NXPE1: variants seen among roughly 807,000 people sequenced by gnomAD.
NXPE1 encodes neurexophilin and PC-esterase domain family member 1.
Under a neutral mutation model 33.3 loss-of-function variants are expected in NXPE1, and 31 were observed. The observed-to-expected ratio is 0.93, with a 90% CI of 0.70 to 1.26. NXPE1 has a LOEUF of 1.26. Ranked by LOEUF, NXPE1 falls within the 50% of genes most tolerant of loss-of-function variation. NXPE1 has a pLI of 0.00. For synonymous variants in NXPE1, 229 were observed against 231.4 expected (o/e 0.99, Z 0.09); for missense variants, 661 against 655.6 (o/e 1.01, Z -0.09).
chr11:114,538,081 A>G (rs1439772160), intron 5 of NXPE1, among the ~76,000 whole-genome samples: 1 of 152,200 alleles, frequency 6.6e-6, no homozygotes, highest in Non-Finnish European at 1.5e-5. Flanking sequence ...CAAAACAGAG[A>G]TGTAGACCAA....
At chr11:114,557,733 G>T (rs534633012) in intron 1 of NXPE1, among the ~76,000 whole-genome samples, 1 of 143,972 alleles carries the variant, frequency 6.9e-6, no homozygotes, top group East Asian at 2.0e-4. Context: ...CTTCTTTGCC[G>T]TTCTCTACTG....
In NXPE1 at chr11:114,540,837, C is replaced by CTTTTTTTTTTTTTTTTTTTTTTTT. The variant is rs142403291; in HGVS notation, c.100-9953_100-9930dup. Among the ~76,000 whole-genome samples, 2 of 47,416 alleles carry CTTTTTTTTTTTTTTTTTTTTTTTT rather than the reference C, an allele frequency of 4.2e-5. 1 individual carries two copies. The highest frequency in any genetic ancestry group is 9.3e-5 in the Non-Finnish European group (2 of 21,472). The allele number at this position is 47,416 out of a possible 152,430, so 31.1% of individuals were successfully genotyped here. A position where few individuals can be genotyped will look rare whatever the true frequency, so the allele number is the denominator to read the frequency against. On this transcript the variant is annotated intron_variant, in intron 5 of 8. Transcript: ENST00000534921. Reference sequence around the variant, plus strand: ...TAGCTAAAACACAATAGAAAGCCATCTTTTTTTTTTTTTTTTTTTTTTTTT... The same window carrying CTTTTTTTTTTTTTTTTTTTTTTTT: ...TAGCTAAAACACAATAGAAAGCCATCTTTTTTTTTTTTTTTTTTTTTTTTTTTTTTTTTTTTTTTTTTTTTTTTT...
chr11:114,557,744 T>C (rs1374368764), intron 1 of NXPE1, among the ~76,000 whole-genome samples: 2 of 150,556 alleles, frequency 1.3e-5, no homozygotes, highest in African/African-American at 4.9e-5. Flanking sequence ...TTCTCTACTG[T>C]CATTTGGGAG....
intron 5 of NXPE1, among the ~76,000 whole-genome samples, chr11:114,533,224 A>G (rs1947651545): frequency 6.6e-6 from 1 of 152,222 alleles, no homozygotes; most frequent in East Asian, 1.9e-4. Context: ...AATTATTAGT[A>G]TTAAGATAGC....
intron 5 of NXPE1, among the ~76,000 whole-genome samples, chr11:114,534,173 A>G (rs1278199818): frequency 1.3e-5 from 2 of 152,170 alleles, no homozygotes; most frequent in Admixed American, 1.3e-4. Flanking sequence ...CCAGGCAAAC[A>G]AGGTCTGGAG....
chr11:114,540,187 C>T (rs1182485249), intron 5 of NXPE1, among the ~76,000 whole-genome samples: 4 of 152,182 alleles, frequency 2.6e-5, no homozygotes, highest in Non-Finnish European at 4.4e-5. Context: ...AAACTCCTGA[C>T]CTCAAGTGAT....
intron 1 of NXPE1, among the ~76,000 whole-genome samples, chr11:114,557,634 CATATATATATATAT>C (rs4019608): frequency 0.03 from 3,901 of 128,392 alleles, 162 homozygotes; most frequent in African/African-American, 0.095. Flanking sequence ...ATATATAATA[CATATATATATATAT>C]ATATATATAT....
chr11:114,528,962 T>C, intron 6 of NXPE1: 1 of 445,060 alleles, frequency 2.2e-6, no homozygotes, highest in Non-Finnish European at 4.1e-6. Flanking sequence ...AACTTAACTG[T>C]GCTTTTACTT....
chr11:114,539,552 G>T (rs1948002089), intron 5 of NXPE1, among the ~76,000 whole-genome samples: 1 of 152,142 alleles, frequency 6.6e-6, no homozygotes, highest in East Asian at 1.9e-4. Flanking sequence ...TTTGAAATGT[G>T]GTAAGGCTTA....
At chr11:114,537,071 G>C (rs757351423) in intron 5 of NXPE1, among the ~76,000 whole-genome samples, 1 of 152,056 alleles carries the variant, frequency 6.6e-6, no homozygotes, top group Non-Finnish European at 1.5e-5. Context: ...ACATCAAAAA[G>C]CTTATCCACC....
chr11:114,551,386 T>G (rs1211899267), exon 4 of NXPE1: 5 of 1,374,010 alleles, frequency 3.6e-6, no homozygotes, highest in Non-Finnish European at 4.7e-6. Context: ...TGTCTACCTA[T>G]TGGATACTTC....
chr11:114,526,354 T>TA (rs1304397436), intron 7 of NXPE1, among the ~76,000 whole-genome samples: 1 of 152,232 alleles, frequency 6.6e-6, no homozygotes, highest in Admixed American at 6.5e-5. Flanking sequence ...CTGACATTCT[T>TA]TTAAATATAA....
downstream of NXPE1, among the ~76,000 whole-genome samples, chr11:114,519,540 A>G (rs557384575): frequency 3.3e-5 from 5 of 152,320 alleles, no homozygotes; most frequent in South Asian, 2.1e-4. Flanking sequence ...ATGACAAAAC[A>G]CTGTGGAAAC....
intron 5 of NXPE1, among the ~76,000 whole-genome samples, chr11:114,537,635 T>C (rs1452423097): frequency 6.6e-6 from 1 of 152,042 alleles, no homozygotes; most frequent in Non-Finnish European, 1.5e-5. Context: ...TATACACCAG[T>C]AACAGACAAA....
intron 5 of NXPE1, among the ~76,000 whole-genome samples, chr11:114,535,481 G>C (rs1313330620): frequency 6.6e-6 from 1 of 152,178 alleles, no homozygotes; most frequent in East Asian, 1.9e-4. Flanking sequence ...AAAAGGCACA[G>C]ACTGGCAAAT....
chr11:114,542,225 G>GTTTA (rs1948123331), intron 5 of NXPE1, among the ~76,000 whole-genome samples: 1 of 151,874 alleles, frequency 6.6e-6, no homozygotes, highest in Non-Finnish European at 1.5e-5. Context: ...AAAATTTGTA[G>GTTTA]AGTAAAATGT....
chr11:114,551,070 G>T, intron 5 of NXPE1, 33 bp downstream of exon 5: 1 of 1,201,324 alleles, frequency 8.3e-7, no homozygotes, highest in Middle Eastern at 1.9e-4. Flanking sequence ...AGGGCTTACT[G>T]TGTGATCTGC....
rs572274292 is a variant in NXPE1, at chr11:114,536,272, T to C, written c.100-5364A>G. On this transcript the variant is annotated intron_variant, in intron 5 of 8. Coordinates refer to ENST00000534921, the Ensembl canonical transcript of NXPE1. ...ACAACATACCAGAATCTCTGGGACATATTCAAAGCAGTGTGTAGAGGGAAA... is the reference window on the plus strand; with the variant it reads ...ACAACATACCAGAATCTCTGGGACACATTCAAAGCAGTGTGTAGAGGGAAA... Among the ~76,000 whole-genome samples, 274 of 152,146 alleles carry C rather than the reference T, an allele frequency of 1.8e-3. 2 individuals are homozygous for C. Among genetic ancestry groups the C allele is most frequent in the Non-Finnish European group, 2.6e-4 (18 of 67,992 alleles).
downstream of NXPE1, among the ~76,000 whole-genome samples, chr11:114,519,480 G>A (rs1437210569): frequency 6.6e-6 from 1 of 152,188 alleles, no homozygotes; most frequent in Non-Finnish European, 1.5e-5. Flanking sequence ...AGCTATTAGA[G>A]ATAACAGATA....
Sources: allele counts gnomAD v4.1 joint callset (sites outside exome capture counted in the v4.1 genomes callset), GRCh38; gene constraint gnomAD v4.1.1; transcripts MANE v1.5; gene names NCBI Gene and HGNC (gene_info 2026-07-23, HGNC 2026-07-21).